EYS: variants seen among roughly 807,000 people sequenced by gnomAD.
The protein encoded by EYS is protein eyes shut homolog.
EYS carries 250 observed loss-of-function variants against 282.1 expected under a neutral mutation model. The ratio of observed to expected loss-of-function variants is 0.89; its 90% CI spans 0.80 to 0.98. The LOEUF (loss-of-function observed/expected upper bound fraction) is 0.98. Ranked by LOEUF, EYS falls within the 50% of genes least tolerant of loss-of-function variation. The pLI is 0.00. For synonymous variants in EYS, 1,355 were observed against 1,282.9 expected, an observed-to-expected ratio of 1.06 and a Z score of -1.20; for missense variants, 4,016 against 3,709.0, an observed-to-expected ratio of 1.08 and a Z score of -2.15.
intron 26 of EYS, among the ~76,000 whole-genome samples, chr6:64,514,167 C>T (rs969843063): frequency 5.9e-5 from 9 of 151,582 alleles, no homozygotes; most frequent in South Asian, 4.1e-4. Context: ...ATCTTCTCTC[C>T]GGCCAGGACA....
intron 2 of EYS, among the ~76,000 whole-genome samples, chr6:65,572,565 A>T (rs1764515962): frequency 6.6e-6 from 1 of 152,168 alleles, no homozygotes; most frequent in African/African-American, 2.4e-5. Flanking sequence ...ATTAAAATAT[A>T]CAGTCATGTG....
chr6:64,958,357 G>A (rs531737543), intron 14 of EYS, among the ~76,000 whole-genome samples: 1 of 151,992 alleles, frequency 6.6e-6, no homozygotes, highest in South Asian at 2.1e-4. Context: ...ACTCCAGCCT[G>A]GGTGACAGAG....
At chr6:63,803,255 T>A (rs1326354637) in intron 37 of EYS, among the ~76,000 whole-genome samples, 1 of 152,096 alleles carries the variant, frequency 6.6e-6, no homozygotes, top group Non-Finnish European at 1.5e-5. Context: ...GCCAGGCTTT[T>A]TTTTTTTTCA....
At chr6:64,897,861 T>A (rs1290891803) in intron 18 of EYS, among the ~76,000 whole-genome samples, 1 of 152,104 alleles carries the variant, frequency 6.6e-6, no homozygotes, top group Non-Finnish European at 1.5e-5. Flanking sequence ...TATCAGAGAT[T>A]GAAGATCAAC....
At chr6:64,670,264 G>A (rs191374427) in intron 22 of EYS, among the ~76,000 whole-genome samples, 399 of 151,980 alleles carry the variant, frequency 2.6e-3, no homozygotes, top group Non-Finnish European at 4.6e-3. Context: ...TTAAAAGATC[G>A]TCCACGCTTT....
At chr6:64,897,289 C>T (rs1484382250) in intron 18 of EYS, among the ~76,000 whole-genome samples, 1 of 152,142 alleles carries the variant, frequency 6.6e-6, no homozygotes, top group African/African-American at 2.4e-5. Context: ...CTGCAGCCTC[C>T]ACTGGTGATA....
chr6:65,509,417 C>G (rs759485526), intron 2 of EYS, among the ~76,000 whole-genome samples: 1 of 152,116 alleles, frequency 6.6e-6, no homozygotes, highest in Non-Finnish European at 1.5e-5. Flanking sequence ...GTCTTTTTAA[C>G]TTTTGCTAAA....
At chr6:65,156,562 AT>A (rs1449384001) in intron 12 of EYS, among the ~76,000 whole-genome samples, 2 of 150,962 alleles carry the variant, frequency 1.3e-5, no homozygotes, top group Non-Finnish European at 3.0e-5. Context: ...TTTCAATTAA[AT>A]TTTGGCTGTT....
chr6:65,538,228 G>C (rs1768032005), intron 2 of EYS, among the ~76,000 whole-genome samples: 1 of 152,014 alleles, frequency 6.6e-6, no homozygotes, highest in Non-Finnish European at 1.5e-5. Flanking sequence ...ATGTCTTTAG[G>C]AGAATTAAGA....
intron 24 of EYS, among the ~76,000 whole-genome samples, chr6:64,603,615 C>T (rs1283928474): frequency 1.3e-5 from 2 of 151,944 alleles, no homozygotes; most frequent in Non-Finnish European, 2.9e-5. Context: ...AAGATGTTAT[C>T]TAAGACTCCA....
chr6:65,530,867 T>C (rs902339455), intron 2 of EYS, among the ~76,000 whole-genome samples: 8 of 152,190 alleles, frequency 5.3e-5, no homozygotes, highest in African/African-American at 1.7e-4. Context: ...CTTAAAAATA[T>C]GAAGTCCCAT....
At chr6:64,825,095 A>C (rs1014430151) in intron 19 of EYS, among the ~76,000 whole-genome samples, 1 of 151,866 alleles carries the variant, frequency 6.6e-6, no homozygotes, top group Admixed American at 6.6e-5. Context: ...ATATTTTCTC[A>C]AAAGTTTTAG....
intron 37 of EYS, among the ~76,000 whole-genome samples, chr6:63,801,954 A>G (rs759260094): frequency 6.6e-6 from 1 of 152,214 alleles, no homozygotes; most frequent in African/African-American, 2.4e-5. Flanking sequence ...TGAGGAAGAT[A>G]AAGGCAGCAT....
chr6:63,760,113 TC>T (rs1769593414), intron 41 of EYS, among the ~76,000 whole-genome samples: 2 of 152,064 alleles, frequency 1.3e-5, no homozygotes, highest in South Asian at 4.1e-4. Flanking sequence ...GGAAACATTT[TC>T]AATATTTGCT....
chr6:63,720,494 A>T lies in EYS; in HGVS notation c.*102T>A. ...TGTTAGCATTTAGACTATTTCAGGT[A>T]ATATAGTAAACAGTTGATTCCCCGT... is the stretch of plus-strand genomic sequence containing the variant. On this transcript the variant is annotated 3_prime_UTR_variant, in exon 43 of 43. Transcript: ENST00000503581. 1 of 786,946 alleles carries T rather than the reference A, an allele frequency of 1.3e-6. No homozygotes were observed. Among genetic ancestry groups the T allele is most frequent in the East Asian group, 2.8e-5 (1 of 35,692 alleles). The allele number at this position is 786,946 out of a possible 1,614,324, so 48.7% of individuals were successfully genotyped here. A position where few individuals can be genotyped will look rare whatever the true frequency, so the allele number is the denominator to read the frequency against.
At chr6:64,382,532 G>T (rs574906638) in intron 29 of EYS, among the ~76,000 whole-genome samples, 1 of 152,182 alleles carries the variant, frequency 6.6e-6, no homozygotes, top group East Asian at 1.9e-4. Flanking sequence ...ATCTTCATAG[G>T]TTTACATGTG....
chr6:63,754,896 A>T (rs1459829313), intron 41 of EYS, among the ~76,000 whole-genome samples: 7 of 152,106 alleles, frequency 4.6e-5, no homozygotes, highest in Non-Finnish European at 7.4e-5. Flanking sequence ...CTGGTGTGAG[A>T]TGGTATCTCA....
chr6:65,050,536 T>C (rs1350241999), intron 13 of EYS, among the ~76,000 whole-genome samples: 1 of 151,688 alleles, frequency 6.6e-6, no homozygotes, highest in Non-Finnish European at 1.5e-5. Flanking sequence ...TGACTTTTGG[T>C]TAATATTCTA....
chr6:63,720,951 C>A lies in EYS; in HGVS notation c.9080G>T (p.Arg3027Ile), dbSNP rs901746105. Residue 3027 changes from arginine (R) to isoleucine (I), a missense_variant, in exon 43 of 43, where the codon AGA becomes ATA. By Grantham distance (97) the Arg-to-Ile change is moderately conservative. Transcript: ENST00000503581. ...GTTATAGCTCATAGGCACAGAGATT[C>A]TTTCTCCCAAGTTAACTGCTATTTT... ...TLKIAVNLGERISVPMSYNNG... is the reference protein window; with the variant it reads ...TLKIAVNLGEIISVPMSYNNG... 1.3e-6 allele frequency: 2 copies of A among 1,551,212 alleles called. No individual in the cohort carries two copies. Among genetic ancestry groups the A allele is most frequent in the South Asian group, 1.2e-5 (1 of 84,062 alleles).
Sources: gnomAD v4.1 joint callset for allele counts (sites outside exome capture counted in the v4.1 genomes callset) on GRCh38, gnomAD v4.1.1 for gene constraint, MANE v1.5 for transcripts, NCBI Gene and HGNC (gene_info 2026-07-23, HGNC 2026-07-21) for gene names.